JADE3: variants seen among roughly 807,000 people sequenced by gnomAD.
JADE3 encodes the protein jade family PHD finger 3, also known as protein Jade-3.
Under a neutral mutation model 50.1 loss-of-function variants are expected in JADE3, and 2 were observed. That is an observed-to-expected ratio of 0.04 (90% CI 0.02 to 0.13). The LOEUF is 0.13. JADE3 is among the 10% of genes least tolerant of loss of function. JADE3 has a pLI of 1.00. For synonymous variants in JADE3, 218 were observed against 232.9 expected (o/e 0.94, Z 0.58); for missense variants, 475 against 634.4 (o/e 0.75, Z 2.70).
intron 3 of JADE3, among the ~76,000 whole-genome samples, chrX:46,997,560 G>GA: frequency 9.0e-6 from 1 of 111,314 alleles, no homozygotes; most frequent in South Asian, 3.8e-4. Flanking sequence ...ACATTAGGGA[G>GA]AAAAATAGTG....
intron 3 of JADE3, among the ~76,000 whole-genome samples, chrX:46,995,739 A>G (rs1472409313): frequency 9.0e-6 from 1 of 111,586 alleles, no homozygotes; most frequent in Non-Finnish European, 1.9e-5. Context: ...CTGAACTGAC[A>G]TTCCCATCCA....
intron 6 of JADE3, among the ~76,000 whole-genome samples, chrX:47,030,417 T>TA (rs1296917425): frequency 1.8e-5 from 2 of 111,853 alleles, no homozygotes; most frequent in African/African-American, 6.5e-5. Context: ...TGGTATGTAT[T>TA]AAAGCTGGGA....
chrX:46,936,878 T>G (rs1556341178), intron 1 of JADE3, among the ~76,000 whole-genome samples: 1 of 111,864 alleles, frequency 8.9e-6, no homozygotes, highest in African/African-American at 3.2e-5. Flanking sequence ...GTTTATCAAT[T>G]TTGTTGATCT....
rs781878288 is a variant in JADE3, at chrX:47,048,464, A to G, written c.973-5694A>G. The stretch of plus-strand genomic sequence containing the variant: ...AACAACCCAAATGTCCATCAACTCG[A>G]TGAAATGGGGTATATCCATACAATT... On this transcript the variant is annotated intron_variant, in intron 8 of 10. Coordinates refer to ENST00000614628, the MANE Select transcript of JADE3 (RefSeq NM_014735.5). 8.9e-5 allele frequency among the ~76,000 whole-genome samples: 10 copies of G among 112,533 alleles called. No homozygotes were observed. The South Asian group carries it at 2.9e-3, about 33-fold the overall frequency.
chrX:47,010,471 G>A (rs1328200807), intron 4 of JADE3, among the ~76,000 whole-genome samples: 4 of 111,804 alleles, frequency 3.6e-5, no homozygotes, highest in Non-Finnish European at 7.5e-5. Flanking sequence ...CAGGTGATCC[G>A]CCTGGCTTGG....
rs906101752 is a variant in JADE3 at position 46,960,382 on chromosome X, G to A, written c.-11-24502G>A. On this transcript the variant is annotated intron_variant, in intron 1 of 10. Transcript: ENST00000614628. Reference sequence around the variant, plus strand: ...ACGGATAAGGGTGGCTCATTGTGCCGGAATTGTTTATACAAGTAATATGGT... The same window carrying A: ...ACGGATAAGGGTGGCTCATTGTGCCAGAATTGTTTATACAAGTAATATGGT... Among the ~76,000 whole-genome samples the A allele has an allele frequency of 2.7e-5, 3 of 111,905 alleles. No homozygotes were observed. In the Admixed American group the frequency reaches 2.8e-4, roughly 11 times the overall value.
Position 47,007,807 on chromosome X carries a change from T to TGTGTG in JADE3, c.284+9530_284+9531insGTGTG, listed in dbSNP as rs1569537171. ...TAGGACTTCAGCGTGTCCTTTTATT[T>TGTGTG]TGTGTGTGTGTGTGTGTGTGTGTGT... On this transcript the variant is annotated intron_variant, in intron 4 of 10. Transcript: ENST00000614628. Among the ~76,000 whole-genome samples the TGTGTG allele has an allele frequency of 1.8e-3, 126 of 70,805 alleles. 2 individuals carry two copies. Among genetic ancestry groups the TGTGTG allele is most frequent in the African/African-American group, 7.6e-3 (120 of 15,868 alleles). 61.5% of individuals were successfully genotyped at this position (70,805 alleles called of 115,157 possible). A position where few individuals can be genotyped will look rare whatever the true frequency, so the allele number is the denominator to read the frequency against.
At chrX:47,037,397 A>G (rs1179501632) in intron 7 of JADE3, among the ~76,000 whole-genome samples, 3 of 112,201 alleles carry the variant, frequency 2.7e-5, no homozygotes, top group Admixed American at 9.4e-5. Context: ...ATTAAATGAA[A>G]CAACAAGGCA....
chrX:47,036,867 C>T (rs1556368044), intron 7 of JADE3, among the ~76,000 whole-genome samples: 2 of 79,342 alleles, frequency 2.5e-5, no homozygotes, highest in African/African-American at 9.6e-5. Flanking sequence ...GAACAAAAAA[C>T]CAAACACCGC....
chrX:46,926,384 A>G (rs1556338897), intron 1 of JADE3, among the ~76,000 whole-genome samples: 1 of 109,754 alleles, frequency 9.1e-6, no homozygotes, highest in Non-Finnish European at 1.9e-5. Context: ...AGCTAGGCCT[A>G]CAGGCACGCA....
chrX:46,932,198 G>A (rs1046413157), intron 1 of JADE3, among the ~76,000 whole-genome samples: 6 of 112,062 alleles, frequency 5.4e-5, no homozygotes, highest in African/African-American at 1.6e-4. Context: ...GTGTCGTACT[G>A]GAGCATTGGC....
chrX:46,922,584 G>T (rs868990475), intron 1 of JADE3, among the ~76,000 whole-genome samples: 8 of 108,945 alleles, frequency 7.3e-5, no homozygotes, highest in African/African-American at 2.7e-4. Flanking sequence ...CAATAACCTT[G>T]ATCTTCAAGC....
intron 1 of JADE3, among the ~76,000 whole-genome samples, chrX:46,925,213 A>G (rs1203261632): frequency 8.9e-6 from 1 of 112,505 alleles, no homozygotes; most frequent in African/African-American, 3.2e-5. Context: ...TCCTCCTCCT[A>G]TCACATTCTC....
intron 1 of JADE3, among the ~76,000 whole-genome samples, chrX:46,943,558 A>G (rs1304730972): frequency 8.9e-6 from 1 of 112,422 alleles, no homozygotes; most frequent in Non-Finnish European, 1.9e-5. Flanking sequence ...TATCCCAGGA[A>G]TAAAGCCTAC....
intron 6 of JADE3, among the ~76,000 whole-genome samples, chrX:47,032,697 C>CT (rs1290407744): frequency 9.0e-6 from 1 of 110,799 alleles, no homozygotes; most frequent in African/African-American, 3.3e-5. Flanking sequence ...TAATACAAGT[C>CT]TAGGAATTTG....
In JADE3 at chrX:47,058,195, C is replaced by T; in HGVS notation, c.1590C>T (p.Asn530=). The T allele has an allele frequency of 1.7e-6, 2 of 1,208,581 alleles. No individual in the cohort carries two copies. Among genetic ancestry groups the T allele is most frequent in the Non-Finnish European group, 2.2e-6 (2 of 894,156 alleles). The change falls in exon 11 of 11, where the codon AAC becomes AAT. Residue 530 remains asparagine (N), a synonymous_variant. Coordinates refer to ENST00000614628, the MANE Select transcript of JADE3 (RefSeq NM_014735.5). ...TTCCTTTGACAAATGCACTTGAAAACTCACTGTTTTACCCACCACCAAGAA... is the reference window on the plus strand; with the variant it reads ...TTCCTTTGACAAATGCACTTGAAAATTCACTGTTTTACCCACCACCAAGAA... ...AGLPLTNALE[N]SLFYPPPRIT...
rs782785553 is a variant in JADE3 at position 47,058,459 on chromosome X, G to A, written c.1854G>A (p.Glu618=). The A allele has an allele frequency of 7.4e-6, 9 of 1,211,640 alleles. No homozygotes were observed. The highest frequency in any genetic ancestry group is 1.7e-5 in the African/African-American group (1 of 57,833). The part of the protein sequence containing the change: ...SLSHSRSEAK[E]SSPAWRTPSS... The stretch of plus-strand genomic sequence containing the variant: ...GCCATTCTAGGAGTGAAGCAAAGGA[G>A]TCCAGTCCTGCTTGGAGAACCCCGT... Residue 618 remains glutamate (E), a synonymous_variant, in exon 11 of 11, where the codon GAG becomes GAA. Coordinates refer to ENST00000614628, the MANE Select transcript of JADE3 (RefSeq NM_014735.5).
intron 1 of JADE3, among the ~76,000 whole-genome samples, chrX:46,970,204 T>G (rs187670880): frequency 3.6e-5 from 4 of 112,410 alleles, no homozygotes; most frequent in Non-Finnish European, 5.6e-5. Flanking sequence ...TACATTTTTT[T>G]GGGATTTAAC....
In JADE3 at chrX:47,040,954, A is replaced by G. The variant is rs190604698; in HGVS notation, c.972+1889A>G. Among the ~76,000 whole-genome samples, 615 of 111,978 alleles carry G rather than the reference A, an allele frequency of 5.5e-3. 2 individuals are homozygous for G. The highest frequency in any genetic ancestry group is 0.011 in the African/African-American group (352 of 30,837). On this transcript the variant is annotated intron_variant, in intron 8 of 10. Transcript: ENST00000614628. ...ATTCTTATATTTGACAGAATTGGCT[A>G]CTTCTTCTTTTTTTTAACCTTTCTT...
Sources: allele counts gnomAD v4.1 joint callset (sites outside exome capture counted in the v4.1 genomes callset), GRCh38; gene constraint gnomAD v4.1.1; transcripts MANE v1.5; gene names NCBI Gene and HGNC (gene_info 2026-07-23, HGNC 2026-07-21).